The following MEF2C variants were observed in gnomAD, a reference collection of about 807,000 sequenced individuals.
MEF2C encodes the protein myocyte enhancer factor 2C, also known as myocyte-specific enhancer factor 2C.
In MEF2C, 6 loss-of-function variants were observed where a neutral mutation model predicts 50.5. The ratio of observed to expected loss-of-function variants is 0.12; its 90% CI spans 0.07 to 0.23. The LOEUF is 0.23. MEF2C is among the 10% of genes least tolerant of loss of function. The pLI is 1.00. For missense variants in MEF2C, 276 were observed against 605.0 expected, an observed-to-expected ratio of 0.46 and a Z score of 5.70; for synonymous variants, 183 against 228.0, an observed-to-expected ratio of 0.80 and a Z score of 1.78.
chr5:88,869,879 A>G (rs1424248105), intron 1 of MEF2C, among the ~76,000 whole-genome samples: 1 of 150,810 alleles, frequency 6.6e-6, no homozygotes, highest in African/African-American at 2.4e-5. Flanking sequence ...GCGTCTCTAT[A>G]TGGGCTAAGA....
At chr5:88,894,342 G>A (rs1252781663) in intron 1 of MEF2C, among the ~76,000 whole-genome samples, 2 of 152,144 alleles carry the variant, frequency 1.3e-5, no homozygotes, top group South Asian at 2.1e-4. Flanking sequence ...TATTCATAAC[G>A]TTTGTTCACT....
intron 3 of MEF2C, chr5:88,775,750 G>T: frequency 1.7e-5 from 15 of 876,776 alleles, no homozygotes; most frequent in Non-Finnish European, 2.1e-5. Flanking sequence ...ATATTCTTAG[G>T]TGTGCATTGT....
At chr5:88,881,232 G>A (rs1832730182) in intron 1 of MEF2C, 1 of 152,104 alleles carries the variant, frequency 6.6e-6, no homozygotes, top group African/African-American at 2.4e-5. Context: ...ATAGCTAAAT[G>A]TACTTTTCTA....
At chr5:88,786,687 C>A (rs1315101563) in intron 3 of MEF2C, among the ~76,000 whole-genome samples, 2 of 150,590 alleles carry the variant, frequency 1.3e-5, no homozygotes, top group Non-Finnish European at 2.9e-5. Context: ...CATATACATA[C>A]TACATATATG....
At chr5:88,778,437 G>C (rs1372947898) in intron 3 of MEF2C, among the ~76,000 whole-genome samples, 2 of 152,094 alleles carry the variant, frequency 1.3e-5, no homozygotes, top group South Asian at 4.1e-4. Context: ...TCTTCAATTT[G>C]CTTGAGCAGA....
rs1242603656 is a variant in MEF2C at position 88,719,421 on chromosome 5, T to C, written c.*3183A>G. ...CAGCTTGCGTATATTGCATCACTGT[T>C]ACCAGTATTCAAGCTTCATATTACC... On this transcript the variant is annotated 3_prime_UTR_variant, in exon 11 of 11. Coordinates refer to ENST00000504921, the MANE Select transcript of MEF2C (RefSeq NM_002397.5). 2.0e-5 allele frequency: 3 copies of C among 152,246 alleles called. No individual in the cohort carries two copies. Among genetic ancestry groups the C allele is most frequent in the Non-Finnish European group, 2.9e-5 (2 of 68,030 alleles). The allele number at this position is 152,246 out of a possible 1,614,324, so 9.4% of individuals were successfully genotyped here. A position where few individuals can be genotyped will look rare whatever the true frequency, so the allele number is the denominator to read the frequency against.
intron 6 of MEF2C, chr5:88,741,914 G>A: frequency 1.0e-6 from 1 of 985,288 alleles, no homozygotes; most frequent in South Asian, 4.7e-5. Context: ...AATTTAAACT[G>A]TTTATCCAAG....
chr5:88,860,897 T>C (rs76796618), intron 1 of MEF2C, among the ~76,000 whole-genome samples: 1,581 of 152,278 alleles, frequency 0.01, 22 homozygotes, highest in African/African-American at 0.036. Flanking sequence ...ATACCCAAAC[T>C]AAAGTCTTTT....
At chr5:88,791,947 A>G (rs565187266) in intron 3 of MEF2C, among the ~76,000 whole-genome samples, 8 of 152,156 alleles carry the variant, frequency 5.3e-5, no homozygotes, top group Admixed American at 3.9e-4. Context: ...TAATTTTTCA[A>G]TACCATGTAT....
At chr5:88,853,155 T>G (rs994924883) in intron 1 of MEF2C, among the ~76,000 whole-genome samples, 2 of 152,136 alleles carry the variant, frequency 1.3e-5, no homozygotes, top group Non-Finnish European at 2.9e-5. Context: ...GCCTAGAAGT[T>G]CAAGGCTGCA....
chr5:88,809,686 A>T (rs922516484), intron 2 of MEF2C, among the ~76,000 whole-genome samples: 29 of 152,126 alleles, frequency 1.9e-4, no homozygotes, highest in Non-Finnish European at 2.5e-4. Context: ...CTCTGGACTG[A>T]GCTAGAAAAA....
chr5:88,903,821 A>C (rs896874653), intron 1 of MEF2C: 1 of 152,028 alleles, frequency 6.6e-6, no homozygotes, highest in African/African-American at 2.4e-5. Flanking sequence ...GGTCTCATCA[A>C]CTTTGTGAAC....
chr5:88,775,555 CAG>C (rs781455375), intron 3 of MEF2C, among the ~76,000 whole-genome samples: 13 of 152,084 alleles, frequency 8.5e-5, no homozygotes, highest in Non-Finnish European at 5.9e-5. Flanking sequence ...ACTTTATTAT[CAG>C]GTTAATTTTT....
At chr5:88,793,579 GT>G in intron 3 of MEF2C, among the ~76,000 whole-genome samples, 1 of 152,082 alleles carries the variant, frequency 6.6e-6, no homozygotes, top group African/African-American at 2.4e-5. Context: ...AAGTGAATCT[GT>G]TTTTTTCTCT....
chr5:88,756,855 C>A (rs1775586146), intron 4 of MEF2C, among the ~76,000 whole-genome samples: 1 of 151,782 alleles, frequency 6.6e-6, no homozygotes. Flanking sequence ...GCAAAGACTT[C>A]AGGGCCAGGC....
At chr5:88,781,128 C>T (rs1423589186) in intron 3 of MEF2C, among the ~76,000 whole-genome samples, 1 of 151,940 alleles carries the variant, frequency 6.6e-6, no homozygotes, top group East Asian at 1.9e-4. Flanking sequence ...GTAGTGAGGA[C>T]CTTATTTCTG....
chr5:88,782,230 G>A, intron 3 of MEF2C: 1 of 857,904 alleles, frequency 1.2e-6, no homozygotes, highest in Non-Finnish European at 1.4e-6. Flanking sequence ...GCACTTGAGA[G>A]GCTGAGGTGG....
chr5:88,838,068 G>A (rs895356617), intron 1 of MEF2C, among the ~76,000 whole-genome samples: 6 of 152,100 alleles, frequency 3.9e-5, no homozygotes, highest in African/African-American at 1.4e-4. Context: ...ACCAATATTG[G>A]ATCAATATAT....
chr5:88,863,474 G>A (rs76618308), intron 1 of MEF2C, among the ~76,000 whole-genome samples: 5,383 of 152,364 alleles, frequency 0.035, 99 homozygotes, highest in Non-Finnish European at 0.041. Context: ...GAAACTGTAA[G>A]AATGCATGGA....
Sources: gnomAD v4.1 joint callset for allele counts (sites outside exome capture counted in the v4.1 genomes callset) on GRCh38, gnomAD v4.1.1 for gene constraint, MANE v1.5 for transcripts, NCBI Gene and HGNC (gene_info 2026-07-23, HGNC 2026-07-21) for gene names.